The following KMT2D variants were observed in gnomAD, a reference collection of about 807,000 sequenced individuals.
KMT2D encodes lysine methyltransferase 2D.
A neutral mutation model predicts 512.7 loss-of-function variants in KMT2D; 55 were observed. The observed-to-expected ratio is 0.11, with a 90% CI of 0.09 to 0.13. The LOEUF (loss-of-function observed/expected upper bound fraction) is 0.13. Among genes scored for constraint, KMT2D ranks in the 10% least tolerant of loss-of-function variants. The pLI, the probability that KMT2D is intolerant of heterozygous loss-of-function variation, is 1.00. For missense variants in KMT2D, 6,061 were observed against 7,127.9 expected (o/e 0.85, Z 5.39); for synonymous variants, 2,995 against 2,904.0 (o/e 1.03, Z -1.01).
chr12:49,051,135 G>C lies in KMT2D; in HGVS notation c.2548C>G (p.His850Asp), dbSNP rs202181342. The change falls in exon 11 of 55, where the codon CAT becomes GAT. Residue 850 changes from histidine to aspartate, a missense_variant. Coordinates refer to ENST00000301067, the MANE Select transcript of KMT2D (RefSeq NM_003482.4). ...GGCTTCTCAAGCTCAGGGGACAGAT[G>C]CGATTCCTCAGGCCGGGGGGACAGG... is the stretch of plus-strand genomic sequence containing the variant. ...PCLSPRPEES[H>D]LSPELEKPPL... The C allele has an allele frequency of 1.3e-6, 2 of 1,521,226 alleles. No homozygotes were observed. Among genetic ancestry groups the C allele is most frequent in the African/African-American group, 1.4e-5 (1 of 71,824 alleles). The allele number at this position is 1,521,226 out of a possible 1,614,324, so 94.2% of individuals were successfully genotyped here.
chr12:49,052,551 A>T lies in KMT2D; in HGVS notation c.1258+13T>A, dbSNP rs1433828070. On this transcript the variant is annotated intron_variant, in intron 10 of 54. Transcript: ENST00000301067. The stretch of plus-strand genomic sequence containing the variant: ...AAGGGGATGAATTTCAGGGACCCTC[A>T]AACCCTACTCACCTAGTGGTTTGGC... The T allele has an allele frequency of 6.2e-6, 10 of 1,612,148 alleles. No individual in the cohort carries two copies. Among genetic ancestry groups the T allele is most frequent in the Non-Finnish European group, 7.6e-6 (9 of 1,178,804 alleles).
chr12:49,033,160 C>T lies in KMT2D; in HGVS notation c.11545G>A (p.Gly3849Arg), dbSNP rs1943039209. The change falls in exon 40 of 55, where the codon GGA becomes AGA. Residue 3849 changes from glycine to arginine, a missense_variant. By Grantham distance (125) the Gly-to-Arg change is moderately radical. This residue lies in a region of KMT2D where 1,600 missense variants were observed against 1,754.9 expected (regional missense o/e 0.91). Coordinates refer to ENST00000301067, the MANE Select transcript of KMT2D (RefSeq NM_003482.4). The stretch of plus-strand genomic sequence containing the variant: ...TGCTGGGCTGTGACCAGCCTGTGTC[C>T]CATAAGGCCCTGACCCTGCTGTGCC... ...QLAQQGQGLM[G>R]HRLVTAQQQQ... is the part of the protein sequence containing the mutation. 4 of 1,550,446 alleles carry T rather than the reference C, an allele frequency of 2.6e-6. No individual in the cohort carries two copies. The highest frequency in any genetic ancestry group is 3.5e-6 in the Non-Finnish European group (4 of 1,146,358).
rs2137716100 is a variant in KMT2D at position 49,026,444 on chromosome 12, C to T, written c.15522G>A (p.Arg5174=). 2 of 1,613,994 alleles carry T rather than the reference C, an allele frequency of 1.2e-6. No individual in the cohort carries two copies. The highest frequency in any genetic ancestry group is 1.7e-6 in the Non-Finnish European group (2 of 1,179,892). The change falls in exon 49 of 55, where the codon CGG becomes CGA. Residue 5174 remains arginine (R), a synonymous_variant. Coordinates refer to ENST00000301067, the MANE Select transcript of KMT2D (RefSeq NM_003482.4). This position sits in a 1 kb window ranked among gnomAD's most constrained non-coding sequence, Gnocchi z 9.6. The part of the protein sequence containing the change: ...QIASIIQRGE[R]LHMFRVGGLV... ...GGCCCCCCACACGGAACATGTGCAG[C>T]CGTTCTCCCCGCTGAATGATGCTAG... is the stretch of plus-strand genomic sequence containing the variant.
Position 49,022,206 on chromosome 12 carries a change from A to G in KMT2D, c.16413-55T>C, listed in dbSNP as rs1942362723. On this transcript the variant is annotated intron_variant, in intron 53 of 54. Transcript: ENST00000301067. The surrounding 1 kb of genome is among the most constrained non-coding windows in gnomAD (Gnocchi z 8.6). ...AGGCAACTAACTTGGGACAATTTTG[A>G]TTCCTTGTTCGTCTATCCCCCAGAG... The G allele has an allele frequency of 6.2e-7, 1 of 1,603,080 alleles. No individual in the cohort carries two copies. The highest frequency in any genetic ancestry group is 1.7e-5 in the Admixed American group (1 of 59,984).
chr12:49,049,763 A>T lies in KMT2D; in HGVS notation c.3825T>A (p.Ala1275=), dbSNP rs1937814862. 1 of 1,612,008 alleles carries T rather than the reference A, an allele frequency of 6.2e-7. No homozygotes were observed. Among genetic ancestry groups the T allele is most frequent in the Non-Finnish European group, 8.5e-7 (1 of 1,178,278 alleles). Residue 1275 remains alanine (A), a synonymous_variant, in exon 12 of 55, where the codon GCT becomes GCA. Transcript: ENST00000301067. ...PETDDSLLCD[A]GTAISGGKAE... is the part of the protein sequence containing the mutation. ...CTTTGCCTCCGCTGATAGCTGTCCC[A>T]GCATCGCACAATAGTGAGTCATCAG...
rs568204324 is a variant in KMT2D, at chr12:49,051,526, C to T, written c.2157G>A (p.Pro719=). 6.8e-6 allele frequency: 11 copies of T among 1,613,246 alleles called. No individual in the cohort carries two copies. Among genetic ancestry groups the T allele is most frequent in the South Asian group, 5.5e-5 (5 of 91,034 alleles). ...GTGGCAACAGGGGTGACTCCTCCAG[C>T]GGCAGGGACATGAGCGAGTCCTCCG... ...PPPEDSLMSL[P]LEESPLLPLP... The change falls in exon 11 of 55, where the codon CCG becomes CCA. Residue 719 remains proline, a synonymous_variant. Coordinates refer to ENST00000301067, the MANE Select transcript of KMT2D (RefSeq NM_003482.4).
At position 49,032,353 on chromosome 12, in the gene KMT2D, G is replaced by T; in HGVS notation, c.12352C>A (p.Gln4118Lys). The change falls in exon 40 of 55, where the codon CAG (glutamine) becomes AAG (lysine). Residue 4118 changes from glutamine to lysine, a missense_variant. By Grantham distance (53) the Gln-to-Lys change is moderately conservative (BLOSUM62 1). Transcript: ENST00000301067. Reference protein sequence around the residue: ...LHTAGGGSHGQLGSGSSSEAS... With the variant: ...LHTAGGGSHGKLGSGSSSEAS... ...TCAGAAGATGATCCACTGCCTAGCT[G>T]CCCATGGCTTCCTCCACCTGCTGTG... 6.2e-7 allele frequency: 1 copy of T among 1,613,532 alleles called. No individual in the cohort carries two copies. Among genetic ancestry groups the T allele is most frequent in the Non-Finnish European group, 8.5e-7 (1 of 1,179,644 alleles).
In KMT2D at chr12:49,042,600, G is replaced by C. The variant is rs1023285743; in HGVS notation, c.5828C>G (p.Ser1943Cys). ...GNLPSSSPMD[S>C]YPGLCQSPFL... is the part of the protein sequence containing the mutation. ...CGGGGACTGGCAGAGGCCTGGGTAG[G>C]AGTCCATTGGGCTGCTGGAGGGCAG... Residue 1943 changes from serine (S) to cysteine (C), a missense_variant, in exon 28 of 55, where the codon TCC (serine) becomes TGC (cysteine). Coordinates refer to ENST00000301067, the MANE Select transcript of KMT2D (RefSeq NM_003482.4). This position sits in a 1 kb window ranked among gnomAD's most constrained non-coding sequence, Gnocchi z 4.4. The C allele has an allele frequency of 6.2e-7, 1 of 1,613,842 alleles. No homozygotes were observed. The highest frequency in any genetic ancestry group is 8.5e-7 in the Non-Finnish European group (1 of 1,179,786).
Position 49,054,734 on chromosome 12 carries a change from C to T in KMT2D, c.194G>A (p.Arg65His), listed in dbSNP as rs763644658. 6.2e-6 allele frequency: 10 copies of T among 1,613,724 alleles called. No homozygotes were observed. Among genetic ancestry groups the T allele is most frequent in the African/African-American group, 4.0e-5 (3 of 74,930 alleles). ...PQDCSGGPVR[R>H]CALCNCGEPS... ...CTCCCCGCAGTTACAGAGAGCACAACGCCGCACCGGACCCCCACTGTGGAC... is the reference window on the plus strand; with the variant it reads ...CTCCCCGCAGTTACAGAGAGCACAATGCCGCACCGGACCCCCACTGTGGAC... Residue 65 changes from arginine (R) to histidine (H), a missense_variant, in exon 4 of 55, where the codon CGT becomes CAT. Coordinates refer to ENST00000301067, the MANE Select transcript of KMT2D (RefSeq NM_003482.4). The surrounding 1 kb of genome is among the most constrained non-coding windows in gnomAD (Gnocchi z 6.4).
Position 49,054,015 on chromosome 12 carries a change from C to T in KMT2D, c.636G>A (p.Leu212=), listed in dbSNP as rs2120703384. 6.2e-7 allele frequency: 1 copy of T among 1,613,982 alleles called. No individual in the cohort carries two copies. The highest frequency in any genetic ancestry group is 8.5e-7 in the Non-Finnish European group (1 of 1,179,888). Residue 212 remains leucine (L), a synonymous_variant, in exon 6 of 55, where the codon CTG becomes CTA. Coordinates refer to ENST00000301067, the MANE Select transcript of KMT2D (RefSeq NM_003482.4). This position sits in a 1 kb window ranked among gnomAD's most constrained non-coding sequence, Gnocchi z 6.4. ...CCCCCTCACTGTGCTCTGGGCATAG[C>T]AGCTGCAGTGTTTTCATGGATAGGA... is the stretch of plus-strand genomic sequence containing the variant. The part of the protein sequence containing the change: ...GSFLSMKTLQ[L]LCPEHSEGAA...
chr12:49,053,344 A>G (rs770411607), intron 7 of KMT2D, 23 bp from the exon 8 acceptor site: 1 of 1,605,822 alleles, frequency 6.2e-7, no homozygotes, highest in South Asian at 1.1e-5. Context: ...ATGGAACATT[A>G]CAGTGTCCTC....
chr12:49,037,024 C>G, intron 35 of KMT2D, 101 bp downstream of exon 35: 1 of 1,428,720 alleles, frequency 7.0e-7, no homozygotes, highest in East Asian at 2.4e-5. Context: ...CTTTGTGTCC[C>G]ATCTTAAGTA....
chr12:49,030,251 A>AC, intron 43 of KMT2D, 29 bp downstream of exon 43: 1 of 1,574,656 alleles, frequency 6.4e-7, no homozygotes, highest in Non-Finnish European at 8.6e-7. Context: ...ACCAAACTCC[A>AC]CCAGGGGTGG....
intron 13 of KMT2D, 30 bp downstream of exon 13, chr12:49,049,075 G>T: frequency 7.2e-7 from 1 of 1,379,806 alleles, no homozygotes; most frequent in Non-Finnish European, 1.0e-6. Context: ...CATGGTTGGG[G>T]GATGGGAGGA....
chr12:49,054,092 G>T lies in KMT2D; in HGVS notation c.559C>A (p.Pro187Thr), dbSNP rs773077415. Residue 187 changes from proline to threonine, a missense_variant, in exon 6 of 55, where the codon CCT becomes ACT. Physicochemically the swap from Pro to Thr is conservative, Grantham distance 38 (BLOSUM62 -1). Around this residue, in one of 16 missense-constraint regions of KMT2D, gnomAD observed 160 missense variants for 225.8 expected, o/e 0.71. Coordinates refer to ENST00000301067, the MANE Select transcript of KMT2D (RefSeq NM_003482.4). This position sits in a 1 kb window ranked among gnomAD's most constrained non-coding sequence, Gnocchi z 6.4. ...RLGASIPCRS[P>T]GCPRLYHFPC... ...AAGTGGTAAAGCCGTGGACATCCAGGTGAGCGGCAAGGGATGGAGGCACCG... is the reference window on the plus strand; with the variant it reads ...AAGTGGTAAAGCCGTGGACATCCAGTTGAGCGGCAAGGGATGGAGGCACCG... The T allele has an allele frequency of 6.2e-7, 1 of 1,613,638 alleles. No homozygotes were observed. The highest frequency in any genetic ancestry group is 8.5e-7 in the Non-Finnish European group (1 of 1,179,706).
Position 49,032,715 on chromosome 12 carries a change from A to G in KMT2D, c.11990T>C (p.Leu3997Pro). Residue 3997 changes from leucine to proline, a missense_variant, in exon 40 of 55, where the codon CTT becomes CCT. By Grantham distance (98) the Leu-to-Pro change is moderately conservative. Coordinates refer to ENST00000301067, the MANE Select transcript of KMT2D (RefSeq NM_003482.4). Reference protein sequence around the residue: ...PQQQQQQQVALGPGMPAKPLQ... With the variant: ...PQQQQQQQVAPGPGMPAKPLQ... Reference sequence around the variant, plus strand: ...AGGCTTTGCTGGCATGCCAGGGCCAAGTGCCACTTGCTGCTGCTGTTGTTG... The same window carrying G: ...AGGCTTTGCTGGCATGCCAGGGCCAGGTGCCACTTGCTGCTGCTGTTGTTG... 1 of 1,609,872 alleles carries G rather than the reference A, an allele frequency of 6.2e-7. No homozygotes were observed. Among genetic ancestry groups the G allele is most frequent in the Non-Finnish European group, 8.5e-7 (1 of 1,178,038 alleles).
Position 49,054,596 on chromosome 12 carries a change from G to A in KMT2D, c.332C>T (p.Pro111Leu), listed in dbSNP as rs1235528467. 1 of 1,613,132 alleles carries A rather than the reference G, an allele frequency of 6.2e-7. No individual in the cohort carries two copies. The highest frequency in any genetic ancestry group is 1.6e-4 in the Middle Eastern group (1 of 6,062). The change falls in exon 4 of 55, where the codon CCC becomes CTC. Residue 111 changes from proline (P) to leucine (L), a missense_variant. Pro to Leu is a moderately conservative substitution (Grantham distance 98, BLOSUM62 -3). This residue lies in a region of KMT2D where 144 missense variants were observed against 165.7 expected (regional missense o/e 0.87). Transcript: ENST00000301067. This position sits in a 1 kb window ranked among gnomAD's most constrained non-coding sequence, Gnocchi z 6.4. ...ACCAATCTGTGATAGGTCCTCACTG[G>A]GCAGCACTGCCTCATTGGGCCCTGG... is the stretch of plus-strand genomic sequence containing the variant. ...GSPGPNEAVL[P>L]SEDLSQIGFP...
In KMT2D at chr12:49,043,080, T is replaced by C. The variant is rs377233700; in HGVS notation, c.5640A>G (p.Thr1880=). The C allele has an allele frequency of 6.0e-5, 97 of 1,613,082 alleles. No individual in the cohort carries two copies. Among genetic ancestry groups the C allele is most frequent in the Non-Finnish European group, 7.8e-5 (92 of 1,179,168 alleles). Residue 1880 remains threonine (T), a synonymous_variant, in exon 26 of 55, where the codon ACA becomes ACG. Transcript: ENST00000301067. Reference sequence around the variant, plus strand: ...AGGTACGGGTCACAGCCTCACCTTCTGTGGAAATCCTGTCTAAGTCAGAGC... The same window carrying C: ...AGGTACGGGTCACAGCCTCACCTTCCGTGGAAATCCTGTCTAAGTCAGAGC... ...MLSSDLDRIS[T]EELPKMESKD... is the part of the protein sequence containing the mutation.
Position 49,031,634 on chromosome 12 carries a change from C to G in KMT2D, c.13071G>C (p.Arg4357Ser), listed in dbSNP as rs533214351. 22 of 1,603,186 alleles carry G rather than the reference C, an allele frequency of 1.4e-5. No individual in the cohort carries two copies. The highest frequency in any genetic ancestry group is 1.9e-5 in the Non-Finnish European group (22 of 1,175,142). The change falls in exon 40 of 55, where the codon AGG becomes AGC. Residue 4357 changes from arginine (R) to serine (S), a missense_variant. By Grantham distance (110) the Arg-to-Ser change is moderately radical. Transcript: ENST00000301067. ...CAAGCTGGGCAGCAGCAGGTGAGAC[C>G]CTCCCAGGAGGCGGCTCCAAGGTTG... ...QGPTLEPPPGRVSPAAAQLAD... is the reference protein window; with the variant it reads ...QGPTLEPPPGSVSPAAAQLAD...
Sources: allele counts gnomAD v4.1 joint callset, GRCh38; gene constraint gnomAD v4.1.1; regional missense constraint gnomAD v4.1.1; non-coding constraint Gnocchi (gnomAD v3.1); transcripts MANE v1.5; gene names NCBI Gene and HGNC (gene_info 2026-07-23, HGNC 2026-07-21).